Variants in NAV2 observed in about 807,000 individuals in gnomAD.
The protein encoded by NAV2 is neuron navigator 2, also known as helicase, APC down-regulated 1.
A neutral mutation model predicts 223.2 loss-of-function variants in NAV2; 54 were observed. That is an observed-to-expected ratio of 0.24 (90% CI 0.19 to 0.30). The LOEUF (loss-of-function observed/expected upper bound fraction) is 0.30, where lower values mean the gene tolerates loss of function less well. Among genes scored for constraint, NAV2 ranks in the 10% least tolerant of loss-of-function variants. NAV2 has a pLI of 1.00. For synonymous variants in NAV2, 1,279 were observed against 1,239.3 expected, an observed-to-expected ratio of 1.03 and a Z score of -0.67; for missense variants, 2,806 against 3,147.5, an observed-to-expected ratio of 0.89 and a Z score of 2.60.
chr11:19,394,464 G>A (rs1187348771), intron 1 of NAV2, among the ~76,000 whole-genome samples: 2 of 152,184 alleles, frequency 1.3e-5, no homozygotes, highest in Admixed American at 6.5e-5. Context: ...GACTCTGGGC[G>A]CATAGTGGTC....
intron 1 of NAV2, among the ~76,000 whole-genome samples, chr11:19,826,836 A>G (rs1291751088): frequency 2.6e-5 from 4 of 152,194 alleles, no homozygotes; most frequent in African/African-American, 9.7e-5. Flanking sequence ...TCTCAAGTGT[A>G]ATCAGTTTCC....
At chr11:19,348,660 T>G (rs954133262), upstream of NAV2, among the ~76,000 whole-genome samples, 1 of 152,214 alleles carries the variant, frequency 6.6e-6, no homozygotes, top group Non-Finnish European at 1.5e-5. Flanking sequence ...TAGCTAGCAC[T>G]AAGCATATAG....
At chr11:19,490,381 A>G (rs964601172) in intron 1 of NAV2, among the ~76,000 whole-genome samples, 1 of 152,222 alleles carries the variant, frequency 6.6e-6, no homozygotes, top group Non-Finnish European at 1.5e-5. Flanking sequence ...CATTGGACTC[A>G]GTTCTCTCAA....
intron 26 of NAV2, among the ~76,000 whole-genome samples, chr11:20,084,629 G>A (rs972340410): frequency 2.0e-5 from 3 of 152,198 alleles, no homozygotes; most frequent in Non-Finnish European, 4.4e-5. Context: ...GCCCAGCCCA[G>A]TGTCCTGTGT....
At chr11:19,905,996 C>T (rs545393139) in intron 6 of NAV2, among the ~76,000 whole-genome samples, 1 of 152,232 alleles carries the variant, frequency 6.6e-6, no homozygotes, top group South Asian at 2.1e-4. Context: ...TGAATGTTTT[C>T]AAATCATAGC....
chr11:19,891,427 G>A (rs547218346), intron 5 of NAV2, among the ~76,000 whole-genome samples: 22 of 152,168 alleles, frequency 1.4e-4, no homozygotes, highest in Non-Finnish European at 2.9e-4. Context: ...TAACTCTTTG[G>A]TGAATGGGCC....
intron 26 of NAV2, among the ~76,000 whole-genome samples, chr11:20,087,719 G>T (rs1286143208): frequency 6.6e-6 from 1 of 152,114 alleles, no homozygotes; most frequent in Non-Finnish European, 1.5e-5. Flanking sequence ...GCGCCTAGTG[G>T]GTATAGTTCA....
chr11:20,044,335 C>A, intron 13 of NAV2, 63 bp downstream of exon 13: 2 of 1,424,274 alleles, frequency 1.4e-6, no homozygotes, highest in Non-Finnish European at 9.6e-7. Flanking sequence ...CCATAGTTAA[C>A]TCTAGCAAGG....
chr11:19,489,027 A>G (rs1049071231), intron 1 of NAV2, among the ~76,000 whole-genome samples: 7 of 152,362 alleles, frequency 4.6e-5, no homozygotes, highest in Non-Finnish European at 8.8e-5. Flanking sequence ...GGAGTCTACC[A>G]TTCAGTCAAT....
chr11:19,519,980 G>A (rs556947560), intron 1 of NAV2: 4 of 152,228 alleles, frequency 2.6e-5, no homozygotes, highest in Admixed American at 6.5e-5. Context: ...AAGCAGATTA[G>A]ATTAACTAAG....
At chr11:19,665,763 T>C (rs1263447033) in intron 1 of NAV2, among the ~76,000 whole-genome samples, 1 of 152,202 alleles carries the variant, frequency 6.6e-6, no homozygotes, top group Non-Finnish European at 1.5e-5. Context: ...TAGTGAAACA[T>C]TTGGCACAGT....
At chr11:19,634,378 A>G (rs2047432066) in intron 1 of NAV2, among the ~76,000 whole-genome samples, 1 of 152,170 alleles carries the variant, frequency 6.6e-6, no homozygotes, top group Admixed American at 6.5e-5. Context: ...AGAAAAGATA[A>G]CTACTGGGTA....
At chr11:19,624,388 G>T (rs1350502081) in intron 1 of NAV2, among the ~76,000 whole-genome samples, 1 of 152,172 alleles carries the variant, frequency 6.6e-6, no homozygotes, top group Non-Finnish European at 1.5e-5. Flanking sequence ...AGGCAGGCAG[G>T]CCTCCTCGAG....
At chr11:19,937,811 A>G (rs2046044111) in intron 7 of NAV2, among the ~76,000 whole-genome samples, 1 of 152,212 alleles carries the variant, frequency 6.6e-6, no homozygotes, top group African/African-American at 2.4e-5. Context: ...TTGCCTCTGA[A>G]GAGCTCTCAA....
intron 3 of NAV2, among the ~76,000 whole-genome samples, chr11:19,852,882 A>G (rs1235469331): frequency 6.6e-6 from 1 of 152,254 alleles, no homozygotes. Context: ...GTGACATATC[A>G]AATTTTAATA....
rs573212087 is a variant in NAV2, at chr11:20,059,781, A to C, written c.4832-2526A>C. Among the ~76,000 whole-genome samples the C allele has an allele frequency of 1.1e-4, 17 of 152,328 alleles. No individual in the cohort carries two copies. In the South Asian group the frequency reaches 3.5e-3, roughly 32 times the overall value. The stretch of plus-strand genomic sequence containing the variant: ...TATTCTCTATGGTTCCTTGTAGCTG[A>C]AAAAATGTGAGGTATAGCTATAGGG... On this transcript the variant is annotated intron_variant, in intron 19 of 37. Coordinates refer to ENST00000349880, the MANE Select transcript of NAV2 (RefSeq NM_145117.5).
chr11:19,842,744 A>G, intron 2 of NAV2, 127 bp from the exon 3 acceptor site: 1 of 691,220 alleles, frequency 1.4e-6, no homozygotes, highest in South Asian at 2.1e-5. Flanking sequence ...AGTATTTCAC[A>G]TGCCTGCACT....
chr11:19,966,223 T>A (rs919708576), intron 10 of NAV2, among the ~76,000 whole-genome samples: 9 of 152,208 alleles, frequency 5.9e-5, no homozygotes, highest in African/African-American at 1.4e-4. Flanking sequence ...TCACCTTGCA[T>A]GTGGGATCCA....
chr11:20,024,143 G>A lies in NAV2; in HGVS notation c.2769-11816G>A, dbSNP rs138331136. ...ATGTGACTTCAGCTGGATGAAGGGC[G>A]TACTTTGTTGTGGAGGACTCACCGA... On this transcript the variant is annotated intron_variant, in intron 11 of 37. Coordinates refer to ENST00000349880, the MANE Select transcript of NAV2 (RefSeq NM_145117.5). 4.1e-3 allele frequency among the ~76,000 whole-genome samples: 628 copies of A among 152,252 alleles called. 2 individuals carry two copies. Among genetic ancestry groups the A allele is most frequent in the Non-Finnish European group, 6.9e-3 (472 of 68,008 alleles).
Sources: gnomAD v4.1 joint callset for allele counts (sites outside exome capture counted in the v4.1 genomes callset) on GRCh38, gnomAD v4.1.1 for gene constraint, MANE v1.5 for transcripts, NCBI Gene and HGNC (gene_info 2026-07-23, HGNC 2026-07-21) for gene names.